The following PTPRZ1 variants were observed in gnomAD, a reference collection of about 807,000 sequenced individuals.
PTPRZ1 encodes receptor-type tyrosine-protein phosphatase zeta.
In PTPRZ1, 82 loss-of-function variants were observed where a neutral mutation model predicts 214.1. That is an observed-to-expected ratio of 0.38 (90% CI 0.32 to 0.46). PTPRZ1 has a LOEUF of 0.46. PTPRZ1 is among the 20% of genes least tolerant of loss of function. The pLI is 1.00. For missense variants in PTPRZ1, 2,603 were observed against 2,748.7 expected, an observed-to-expected ratio of 0.95 and a Z score of 1.19; for synonymous variants, 945 against 987.9, an observed-to-expected ratio of 0.96 and a Z score of 0.81.
chr7:121,964,242 C>T (rs1268692836), intron 2 of PTPRZ1, among the ~76,000 whole-genome samples: 1 of 152,126 alleles, frequency 6.6e-6, no homozygotes, highest in Non-Finnish European at 1.5e-5. Context: ...TAAGGACATA[C>T]CTGAGACTGG....
chr7:122,019,853 C>G (rs759865812), intron 13 of PTPRZ1, among the ~76,000 whole-genome samples: 17 of 152,098 alleles, frequency 1.1e-4, no homozygotes, highest in Non-Finnish European at 1.9e-4. Context: ...TATTAAGTCC[C>G]TAAAGACAAG....
intron 2 of PTPRZ1, among the ~76,000 whole-genome samples, chr7:121,952,198 T>G (rs1179393848): frequency 6.6e-6 from 1 of 152,146 alleles, no homozygotes; most frequent in African/African-American, 2.4e-5. Flanking sequence ...GACCTCGTGA[T>G]TGGCCGGCCT....
chr7:122,009,599 T>G (rs949873578), intron 11 of PTPRZ1, among the ~76,000 whole-genome samples: 1 of 151,980 alleles, frequency 6.6e-6, no homozygotes, highest in African/African-American at 2.4e-5. Flanking sequence ...AAGATTATGC[T>G]TAAAGCATAG....
At chr7:121,922,822 A>G (rs1003203267) in intron 1 of PTPRZ1, among the ~76,000 whole-genome samples, 3 of 152,158 alleles carry the variant, frequency 2.0e-5, no homozygotes, top group African/African-American at 7.2e-5. Context: ...CAAACTACCT[A>G]TATTTCTTCA....
chr7:121,939,902 C>CTTACCA (rs1238771145), intron 2 of PTPRZ1, among the ~76,000 whole-genome samples: 1 of 152,070 alleles, frequency 6.6e-6, no homozygotes, highest in Non-Finnish European at 1.5e-5. Context: ...TCAGGGAAGG[C>CTTACCA]TTACCAGAGA....
At chr7:121,933,253 C>T (rs190047728) in intron 2 of PTPRZ1, among the ~76,000 whole-genome samples, 4 of 151,030 alleles carry the variant, frequency 2.6e-5, no homozygotes, top group East Asian at 1.9e-4. Context: ...ATCTTCTTTT[C>T]GAGTTGTTAG....
chr7:121,876,857 G>T (rs547265151), intron 1 of PTPRZ1, among the ~76,000 whole-genome samples: 1 of 152,132 alleles, frequency 6.6e-6, no homozygotes, highest in Non-Finnish European at 1.5e-5. Flanking sequence ...TATGTTGTGG[G>T]AATTTTGCTT....
chr7:121,942,007 T>C (rs574979896), intron 2 of PTPRZ1, among the ~76,000 whole-genome samples: 1 of 152,348 alleles, frequency 6.6e-6, no homozygotes, highest in South Asian at 2.1e-4. Flanking sequence ...TAGCCTCACT[T>C]TGCATTCGTT....
intron 15 of PTPRZ1, chr7:122,031,784 A>C: frequency 3.6e-6 from 1 of 275,836 alleles, no homozygotes; most frequent in Admixed American, 5.1e-5. Flanking sequence ...GTGGAAACAT[A>C]AAAAACATTG....
At chr7:121,963,378 C>T (rs1796938704) in intron 2 of PTPRZ1, among the ~76,000 whole-genome samples, 1 of 152,150 alleles carries the variant, frequency 6.6e-6, no homozygotes, top group South Asian at 2.1e-4. Context: ...ACAGCCAAAC[C>T]ATATCAGACA....
At chr7:121,894,409 T>C (rs1270970198) in intron 1 of PTPRZ1, among the ~76,000 whole-genome samples, 1 of 152,018 alleles carries the variant, frequency 6.6e-6, no homozygotes, top group Non-Finnish European at 1.5e-5. Flanking sequence ...TAAATTGTGC[T>C]TTTTTTTATT....
At chr7:121,992,509 T>C (rs1387416811) in intron 8 of PTPRZ1, among the ~76,000 whole-genome samples, 2 of 152,186 alleles carry the variant, frequency 1.3e-5, no homozygotes, top group African/African-American at 4.8e-5. Context: ...GCACAGGACT[T>C]TGTGTCAGCT....
chr7:121,941,100 G>T (rs1796227494), intron 2 of PTPRZ1, among the ~76,000 whole-genome samples: 1 of 152,218 alleles, frequency 6.6e-6, no homozygotes, highest in Non-Finnish European at 1.5e-5. Context: ...ATAACAGGTT[G>T]CATGTCTCAC....
intron 13 of PTPRZ1, 130 bp from the exon 14 acceptor site, chr7:122,028,422 A>G (rs1239588126): frequency 8.9e-6 from 5 of 564,906 alleles, no homozygotes; most frequent in African/African-American, 1.9e-5. Context: ...AGATCCAGCA[A>G]TCCCTCTTCT....
chr7:121,907,728 T>G (rs868232366), intron 1 of PTPRZ1, among the ~76,000 whole-genome samples: 3 of 150,994 alleles, frequency 2.0e-5, no homozygotes, highest in Non-Finnish European at 3.0e-5. Context: ...CTACATTAGC[T>G]TTTCCATGTA....
rs376460185 is a variant in PTPRZ1 at position 121,976,201 on chromosome 7, G to A, written c.485G>A (p.Arg162Gln). ...EMQIYCFDAD[R>Q]FSSFEEAVKG... ...CAAATCTACTGCTTTGATGCGGACC[G>A]ATTTTCAAGTTTTGAGGAAGCAGTC... The change falls in exon 5 of 30, where the codon CGA becomes CAA. Residue 162 changes from arginine (R) to glutamine (Q), a missense_variant. Arg to Gln is a conservative substitution (Grantham distance 43, BLOSUM62 1). Transcript: ENST00000393386. 17 of 1,608,498 alleles carry A rather than the reference G, an allele frequency of 1.1e-5. No homozygotes were observed. In the African/African-American group the frequency reaches 1.7e-4, roughly 16 times the overall value.
At chr7:121,985,167 C>T (rs1584712243) in intron 8 of PTPRZ1, among the ~76,000 whole-genome samples, 1 of 152,020 alleles carries the variant, frequency 6.6e-6, no homozygotes, top group African/African-American at 2.4e-5. Flanking sequence ...TTTACTATGA[C>T]ACTAAATTTT....
rs1417133073 is a variant in PTPRZ1 at position 122,055,215 on chromosome 7, A to G, written c.6528+128A>G. The G allele has an allele frequency of 5.8e-6, 4 of 692,582 alleles. No homozygotes were observed. In the East Asian group the frequency reaches 1.3e-4, roughly 22 times the overall value. 42.9% of individuals were successfully genotyped at this position (692,582 alleles called of 1,614,324 possible). On this transcript the variant is annotated intron_variant, in intron 27 of 29. Transcript: ENST00000393386. ...TTTCCCCATTGAGACAAATACACAA[A>G]TAATCAAATTACCTTGTCACTTTCA...
intron 2 of PTPRZ1, among the ~76,000 whole-genome samples, chr7:121,966,025 T>C (rs1797037264): frequency 1.3e-5 from 2 of 151,942 alleles, no homozygotes; most frequent in Non-Finnish European, 2.9e-5. Flanking sequence ...AGGGTGGTAA[T>C]AGTAGAGATA....
Sources: gnomAD v4.1 joint callset for allele counts (sites outside exome capture counted in the v4.1 genomes callset) on GRCh38, gnomAD v4.1.1 for gene constraint, MANE v1.5 for transcripts, NCBI Gene and HGNC (gene_info 2026-07-23, HGNC 2026-07-21) for gene names.